Variants in TBCD observed in about 807,000 individuals in gnomAD.
TBCD encodes the protein tubulin folding cofactor D.
A neutral mutation model predicts 169.3 loss-of-function variants in TBCD; 105 were observed. The ratio of observed to expected loss-of-function variants is 0.62; its 90% CI spans 0.53 to 0.73. The LOEUF (loss-of-function observed/expected upper bound fraction) is 0.73. Ranked by LOEUF, TBCD falls within the 30% of genes least tolerant of loss-of-function variation. TBCD has a pLI of 0.00. For missense variants in TBCD, 1,444 were observed against 1,600.1 expected (o/e 0.90, Z 1.66); for synonymous variants, 700 against 643.9 (o/e 1.09, Z -1.32).
At chr17:82,870,455 G>C in intron 14 of TBCD, 75 bp downstream of exon 14, 1 of 1,534,888 alleles carries the variant, frequency 6.5e-7, no homozygotes, top group Non-Finnish European at 8.8e-7. Context: ...CTCCATGAGA[G>C]GTGTGCACAG....
chr17:82,784,182 A>G (rs1345099146), intron 7 of TBCD, among the ~76,000 whole-genome samples: 2 of 152,194 alleles, frequency 1.3e-5, no homozygotes, highest in African/African-American at 4.8e-5. Context: ...TGGGTACACA[A>G]CACTAGTTTT....
chr17:82,822,627 C>A (rs779943476), intron 13 of TBCD, among the ~76,000 whole-genome samples: 3 of 152,080 alleles, frequency 2.0e-5, no homozygotes, highest in Non-Finnish European at 4.4e-5. Context: ...GGGGAATACA[C>A]GGGGGTGCAG....
At position 82,903,529 on chromosome 17, in the gene TBCD, A is replaced by G. The variant is rs1031791334; in HGVS notation, c.1804+51A>G. On this transcript the variant is annotated intron_variant, in intron 19 of 38. Coordinates refer to ENST00000355528, the MANE Select transcript of TBCD (RefSeq NM_005993.5). This position sits in a 1 kb window ranked among gnomAD's most constrained non-coding sequence, Gnocchi z 4.8. ...CGGGCACCATGCATGCACTGCAGAA[A>G]GGCCTGGGTTGCTGGTTTCAAAGGC... 161 of 1,524,200 alleles carry G rather than the reference A, an allele frequency of 1.1e-4. No homozygotes were observed. Among genetic ancestry groups the G allele is most frequent in the Non-Finnish European group, 2.8e-5 (31 of 1,123,344 alleles). 94.4% of individuals were successfully genotyped at this position (1,524,200 alleles called of 1,614,324 possible).
At position 82,930,365 on chromosome 17, in the gene TBCD, T is replaced by C; in HGVS notation, c.2992-157T>C. ...GGTGTCTGCACTGTGAGTGGCTCCG[T>C]GCTGGCGTCCGCACCAGCCGCTTGG... is the stretch of plus-strand genomic sequence containing the variant. On this transcript the variant is annotated intron_variant, in intron 32 of 38. Coordinates refer to ENST00000355528, the MANE Select transcript of TBCD (RefSeq NM_005993.5). The surrounding 1 kb of genome is among the most constrained non-coding windows in gnomAD (Gnocchi z 5.2). 1 of 1,079,968 alleles carries C rather than the reference T, an allele frequency of 9.3e-7. No homozygotes were observed. The highest frequency in any genetic ancestry group is 1.3e-6 in the Non-Finnish European group (1 of 775,050). 66.9% of individuals were successfully genotyped at this position (1,079,968 alleles called of 1,614,324 possible). A position where few individuals can be genotyped will look rare whatever the true frequency, so the allele number is the denominator to read the frequency against.
chr17:82,917,399 T>C (rs2061126222), intron 23 of TBCD, among the ~76,000 whole-genome samples: 2 of 152,204 alleles, frequency 1.3e-5, no homozygotes. Flanking sequence ...AGAACTTATT[T>C]TTTATAGTTT....
At chr17:82,908,379 G>A (rs905446806) in intron 21 of TBCD, 1 of 456,572 alleles carries the variant, frequency 2.2e-6, no homozygotes. Flanking sequence ...TCTCTGGGGA[G>A]ACAGTGTGTT....
chr17:82,759,049 C>G (rs1046976375), intron 2 of TBCD, among the ~76,000 whole-genome samples: 8 of 152,132 alleles, frequency 5.3e-5, no homozygotes, highest in Non-Finnish European at 8.8e-5. Flanking sequence ...GGATCTCGCT[C>G]TGTCACCCAG....
chr17:82,881,930 C>A (rs1284870204), intron 14 of TBCD, among the ~76,000 whole-genome samples: 1 of 132,006 alleles, frequency 7.6e-6, no homozygotes, highest in East Asian at 1.9e-4. Context: ...TCCTCCCTTC[C>A]TCCCTCCCTC....
intron 11 of TBCD, among the ~76,000 whole-genome samples, chr17:82,808,385 G>GTCA (rs1598625383): frequency 2.9e-5 from 4 of 136,114 alleles, no homozygotes; most frequent in Non-Finnish European, 4.7e-5. Context: ...GCTGGGGTTG[G>GTCA]GGGAGGCCCC....
At chr17:82,799,441 C>CAAAAAAAAAAAAAAA (rs61017445) in intron 8 of TBCD, among the ~76,000 whole-genome samples, 5 of 72,626 alleles carry the variant, frequency 6.9e-5, no homozygotes, top group Admixed American at 1.8e-4. Context: ...GACTCTGTCT[C>CAAAAAAAAAAAAAAA]AAAAAAAAAA....
chr17:82,766,324 C>A lies in TBCD; in HGVS notation c.391C>A (p.Pro131Thr). Residue 131 changes from proline to threonine, a missense_variant, in exon 4 of 39, where the codon CCT becomes ACT. Transcript: ENST00000355528. ...LFPHEVADVE[P>T]VLDLVTIQNP... is the part of the protein sequence containing the mutation. ...TCCTCATGAAGTTGCCGATGTAGAGCCTGTTTTAGATTTGGTCACAATTCA... is the reference window on the plus strand; with the variant it reads ...TCCTCATGAAGTTGCCGATGTAGAGACTGTTTTAGATTTGGTCACAATTCA... 6.2e-7 allele frequency: 1 copy of A among 1,613,342 alleles called. No homozygotes were observed. Among genetic ancestry groups the A allele is most frequent in the Non-Finnish European group, 8.5e-7 (1 of 1,179,666 alleles).
intron 23 of TBCD, among the ~76,000 whole-genome samples, chr17:82,914,761 G>A (rs1007263432): frequency 2.6e-5 from 4 of 152,300 alleles, no homozygotes; most frequent in Admixed American, 6.5e-5. Flanking sequence ...CTCTGAAGCC[G>A]GCTGTGTCCC....
At position 82,782,550 on chromosome 17, in the gene TBCD, C is replaced by T. The variant is rs1426706698; in HGVS notation, c.771+829C>T. ...AGAGACAGGGTCTTGCTATGTAGGT[C>T]AGGGTGGTCTTAAACTCCTGGCCTC... On this transcript the variant is annotated intron_variant, in intron 7 of 38. Coordinates refer to ENST00000355528, the MANE Select transcript of TBCD (RefSeq NM_005993.5). The surrounding 1 kb of genome is among the most constrained non-coding windows in gnomAD (Gnocchi z 5.1). Among the ~76,000 whole-genome samples the T allele has an allele frequency of 6.6e-6, 1 of 152,148 alleles. No homozygotes were observed. The highest frequency in any genetic ancestry group is 1.5e-5 in the Non-Finnish European group (1 of 68,030).
intron 5 of TBCD, among the ~76,000 whole-genome samples, chr17:82,769,876 CAA>C (rs11348436): frequency 0.11 from 12,274 of 111,024 alleles, 798 homozygotes; most frequent in African/African-American, 0.23. Flanking sequence ...GAGTCCATCT[CAA>C]AAAAAAAAAA....
At chr17:82,854,232 ACT>A (rs1324610043) in intron 13 of TBCD, among the ~76,000 whole-genome samples, 2 of 152,212 alleles carry the variant, frequency 1.3e-5, no homozygotes, top group Admixed American at 6.5e-5. Flanking sequence ...CTGAGTTGAC[ACT>A]CTGCAGGTGA....
At chr17:82,894,907 G>C (rs970261460) in intron 17 of TBCD, among the ~76,000 whole-genome samples, 1 of 152,190 alleles carries the variant, frequency 6.6e-6, no homozygotes, top group Non-Finnish European at 1.5e-5. Context: ...AGCCCGGGAA[G>C]CGGAGGCTGC....
At chr17:82,758,248 G>A (rs1230091522) in intron 2 of TBCD, among the ~76,000 whole-genome samples, 2 of 151,290 alleles carry the variant, frequency 1.3e-5, no homozygotes, top group African/African-American at 2.4e-5. Flanking sequence ...AATTAGCCGC[G>A]TGTGGTGCAC....
intron 21 of TBCD, chr17:82,908,363 C>T (rs139125300): frequency 6.6e-6 from 3 of 456,476 alleles, no homozygotes; most frequent in Middle Eastern, 3.2e-4. Context: ...GTGCGTCTGT[C>T]GGATTTCTCT....
chr17:82,769,868 G>A (rs996943899), intron 5 of TBCD, among the ~76,000 whole-genome samples: 9 of 123,468 alleles, frequency 7.3e-5, no homozygotes, highest in African/African-American at 3.2e-4. Flanking sequence ...CAGAGCGAGA[G>A]TCCATCTCAA....
Sources: gnomAD v4.1 joint callset for allele counts (sites outside exome capture counted in the v4.1 genomes callset) on GRCh38, gnomAD v4.1.1 for gene constraint, Gnocchi (gnomAD v3.1) non-coding constraint, MANE v1.5 for transcripts, NCBI Gene and HGNC (gene_info 2026-07-23, HGNC 2026-07-21) for gene names.